RERE: variants seen among roughly 807,000 people sequenced by gnomAD.
RERE encodes the protein arginine-glutamic acid dipeptide repeats protein.
Under a neutral mutation model 146.1 loss-of-function variants are expected in RERE, and 40 were observed. The ratio of observed to expected loss-of-function variants is 0.27; its 90% CI spans 0.21 to 0.36. The LOEUF is 0.36. Ranked by LOEUF, RERE falls within the 10% of genes least tolerant of loss-of-function variation. RERE has a pLI of 1.00. For missense variants in RERE, 1,933 were observed against 2,138.7 expected (o/e 0.90, Z 1.90); for synonymous variants, 1,003 against 866.0 (o/e 1.16, Z -2.78).
At chr1:8,413,024 G>A (rs1269573572) in intron 12 of RERE, among the ~76,000 whole-genome samples, 4 of 152,108 alleles carry the variant, frequency 2.6e-5, no homozygotes, top group Non-Finnish European at 4.4e-5. Flanking sequence ...GAAAATGTTC[G>A]TTTAAAAACA....
intron 3 of RERE, among the ~76,000 whole-genome samples, chr1:8,615,398 A>T (rs1374955814): frequency 6.6e-6 from 1 of 152,252 alleles, no homozygotes; most frequent in Non-Finnish European, 1.5e-5. Flanking sequence ...GTGTCTTTTT[A>T]AAATTAACTT....
chr1:8,730,337 TTTTTTG>T (rs769311690), intron 1 of RERE, among the ~76,000 whole-genome samples: 12 of 152,252 alleles, frequency 7.9e-5, no homozygotes, highest in Admixed American at 2.0e-4. Context: ...TTTTGGGGTT[TTTTTTG>T]TTTTTGTTTT....
chr1:8,809,163 A>T (rs1641747379), intron 1 of RERE, among the ~76,000 whole-genome samples: 1 of 149,650 alleles, frequency 6.7e-6, no homozygotes, highest in Non-Finnish European at 1.5e-5. Context: ...AAAAAAAAGT[A>T]CTGAGGGAGA....
intron 17 of RERE, 130 bp from the exon 18 acceptor site, chr1:8,361,620 C>T (rs558838294): frequency 4.3e-5 from 59 of 1,380,832 alleles, no homozygotes; most frequent in Admixed American, 2.0e-4. Flanking sequence ...GACCACAGGT[C>T]GTGCCCTGAC....
At chr1:8,362,141 T>C (rs547988289) in intron 16 of RERE, among the ~76,000 whole-genome samples, 4 of 152,354 alleles carry the variant, frequency 2.6e-5, no homozygotes, top group African/African-American at 9.6e-5. Context: ...CTGTGATGGT[T>C]ACATCTATAC....
chr1:8,698,197 A>C (rs1449444295), intron 1 of RERE, among the ~76,000 whole-genome samples: 1 of 152,216 alleles, frequency 6.6e-6, no homozygotes, highest in Non-Finnish European at 1.5e-5. Context: ...AGAGACCACC[A>C]CATAAAAATA....
At chr1:8,675,501 A>AG (rs1254696218) in intron 1 of RERE, among the ~76,000 whole-genome samples, 1 of 150,778 alleles carries the variant, frequency 6.6e-6, no homozygotes, top group African/African-American at 2.4e-5. Context: ...TCTACAAAAA[A>AG]AAAAAAAAAA....
chr1:8,771,132 G>C (rs76609368), intron 1 of RERE, among the ~76,000 whole-genome samples: 3,560 of 152,062 alleles, frequency 0.023, 133 homozygotes, highest in African/African-American at 0.08. Context: ...CTGCTGGGGG[G>C]GGAAAATGTA....
chr1:8,463,048 G>A (rs983118647), intron 11 of RERE, among the ~76,000 whole-genome samples: 1 of 152,142 alleles, frequency 6.6e-6, no homozygotes, highest in Non-Finnish European at 1.5e-5. Flanking sequence ...TTAACAGAAG[G>A]GGGCCACATG....
chr1:8,701,197 G>T (rs187674437), intron 1 of RERE, among the ~76,000 whole-genome samples: 397 of 152,020 alleles, frequency 2.6e-3, no homozygotes, highest in African/African-American at 9.3e-3. Flanking sequence ...CGTTGATGGG[G>T]TTTACCATCA....
chr1:8,774,068 T>C (rs548877631), intron 1 of RERE, among the ~76,000 whole-genome samples: 27 of 152,298 alleles, frequency 1.8e-4, no homozygotes, highest in Non-Finnish European at 3.4e-4. Flanking sequence ...TCTAACCAGG[T>C]ACCTTGTTCC....
At chr1:8,732,084 T>A (rs1231306567) in intron 1 of RERE, among the ~76,000 whole-genome samples, 2 of 152,192 alleles carry the variant, frequency 1.3e-5, no homozygotes, top group Non-Finnish European at 2.9e-5. Flanking sequence ...ATTATAGGCA[T>A]GAGCCACCAC....
chr1:8,484,939 GAACA>G (rs1459012463), intron 10 of RERE, among the ~76,000 whole-genome samples: 6 of 152,112 alleles, frequency 3.9e-5, no homozygotes, highest in South Asian at 2.1e-4. Context: ...TAACATAAAT[GAACA>G]AACAAAGAAC....
chr1:8,593,408 G>A (rs939851409), intron 4 of RERE, among the ~76,000 whole-genome samples: 1 of 152,194 alleles, frequency 6.6e-6, no homozygotes, highest in Non-Finnish European at 1.5e-5. Flanking sequence ...TAGTGAATAC[G>A]TCTCATGAGA....
intron 11 of RERE, among the ~76,000 whole-genome samples, chr1:8,454,643 A>G (rs1037434766): frequency 6.6e-6 from 1 of 152,096 alleles, no homozygotes; most frequent in Non-Finnish European, 1.5e-5. Context: ...CATCTCTACT[A>G]AAAATACAAA....
At chr1:8,599,381 G>A (rs1646594525) in intron 4 of RERE, among the ~76,000 whole-genome samples, 1 of 152,144 alleles carries the variant, frequency 6.6e-6, no homozygotes, top group Non-Finnish European at 1.5e-5. Context: ...TCAAGTGTCA[G>A]GTCAATGTAC....
rs1197004559 is a variant in RERE, at chr1:8,430,742, T to C, written c.1204-7935A>G. ...TGCAGAGTGGAAGTGGTAGTGGTAG[T>C]GGCACAAGTATGCTAATTGCCACAG... On this transcript the variant is annotated intron_variant, in intron 11 of 22. Transcript: ENST00000400908. 2.0e-5 allele frequency among the ~76,000 whole-genome samples: 3 copies of C among 152,338 alleles called. No individual in the cohort carries two copies. The South Asian group carries it at 6.2e-4, about 32-fold the overall frequency.
rs758784933 is a variant in RERE at position 8,361,401 on chromosome 1, T to C, written c.2106A>G (p.Lys702=). 1.2e-5 allele frequency: 20 copies of C among 1,613,730 alleles called. No homozygotes were observed. In the East Asian group the frequency reaches 4.5e-4, roughly 36 times the overall value. ...SVNDEGSSDP[K]DIDQDNRSTS... ...TGCTGCGATTGTCCTGGTCGATGTCTTTGGGGTCACTGCTACCCTCATCGT... is the reference window on the plus strand; with the variant it reads ...TGCTGCGATTGTCCTGGTCGATGTCCTTGGGGTCACTGCTACCCTCATCGT... The change falls in exon 18 of 23, where the codon AAA becomes AAG. Residue 702 remains lysine, a synonymous_variant. Coordinates refer to ENST00000400908, the MANE Select transcript of RERE (RefSeq NM_001042681.2).
chr1:8,383,761 A>G (rs936875406), intron 12 of RERE, among the ~76,000 whole-genome samples: 3 of 152,242 alleles, frequency 2.0e-5, no homozygotes, highest in African/African-American at 4.8e-5. Flanking sequence ...TAGGAGGCTG[A>G]GGCAGGAGAA....
Sources: gnomAD v4.1 joint callset for allele counts (sites outside exome capture counted in the v4.1 genomes callset) on GRCh38, gnomAD v4.1.1 for gene constraint, MANE v1.5 for transcripts, NCBI Gene and HGNC (gene_info 2026-07-23, HGNC 2026-07-21) for gene names.